The following SLC35F2 variants were observed in gnomAD, a reference collection of about 807,000 sequenced individuals.
The protein encoded by SLC35F2 is solute carrier family 35 member F2, also known as queuine/queuosine transporter SLC35F2.
A neutral mutation model predicts 38.1 loss-of-function variants in SLC35F2; 25 were observed. That is an observed-to-expected ratio of 0.66 (90% confidence interval 0.48 to 0.92). The LOEUF (loss-of-function observed/expected upper bound fraction) is 0.92, where lower values mean the gene tolerates loss of function less well. SLC35F2 is among the 40% of genes least tolerant of loss of function. SLC35F2 has a pLI of 0.00. For missense variants in SLC35F2, 409 were observed against 452.9 expected (o/e 0.90, Z 0.88); for synonymous variants, 173 against 181.7 (o/e 0.95, Z 0.38).
intron 1 of SLC35F2, among the ~76,000 whole-genome samples, chr11:107,845,386 C>A (rs12278174): frequency 5.3e-5 from 8 of 150,878 alleles, no homozygotes; most frequent in Non-Finnish European, 8.9e-5. Flanking sequence ...AAGACCAGCC[C>A]GGGCAACATG....
intron 7 of SLC35F2, 78 bp from the exon 8 acceptor site, chr11:107,792,878 G>A (rs533165975): frequency 2.2e-5 from 32 of 1,435,632 alleles, no homozygotes; most frequent in South Asian, 3.3e-5. Flanking sequence ...ACTGTGCTTC[G>A]AGGATTACCC....
intron 7 of SLC35F2, among the ~76,000 whole-genome samples, chr11:107,796,251 C>T (rs1203702102): frequency 1.3e-5 from 2 of 152,136 alleles, no homozygotes; most frequent in Non-Finnish European, 2.9e-5. Flanking sequence ...AACTACTATA[C>T]AATCCAGCAA....
chr11:107,819,728 G>C (rs1213792879), intron 1 of SLC35F2, among the ~76,000 whole-genome samples: 1 of 152,200 alleles, frequency 6.6e-6, no homozygotes, highest in Non-Finnish European at 1.5e-5. Flanking sequence ...ACCATGTGGG[G>C]AGAGGTACCT....
intron 1 of SLC35F2, among the ~76,000 whole-genome samples, chr11:107,851,829 T>C (rs370056043): frequency 4.3e-4 from 65 of 152,078 alleles, no homozygotes; most frequent in East Asian, 3.5e-3. Context: ...AATCCAGAGT[T>C]CCCCAATTCC....
chr11:107,803,463 G>A (rs2134771041), intron 6 of SLC35F2: 3 of 977,826 alleles, frequency 3.1e-6, no homozygotes, highest in East Asian at 1.3e-4. Context: ...CACCCTGCCA[G>A]GACAGCGATG....
chr11:107,793,225 C>CT (rs1390665708), intron 7 of SLC35F2, among the ~76,000 whole-genome samples: 2 of 152,196 alleles, frequency 1.3e-5, no homozygotes, highest in Admixed American at 6.5e-5. Context: ...GCCTCATGAT[C>CT]TTTTTTCTGA....
intron 7 of SLC35F2, among the ~76,000 whole-genome samples, chr11:107,796,541 T>C (rs1859219286): frequency 6.6e-6 from 1 of 152,180 alleles, no homozygotes. Context: ...AGACAAATAG[T>C]GCATGTTTCA....
chr11:107,857,986 A>G (rs2134874684), intron 1 of SLC35F2, among the ~76,000 whole-genome samples: 1 of 152,314 alleles, frequency 6.6e-6, no homozygotes, highest in Non-Finnish European at 1.5e-5. Context: ...TCCAGAGTGC[A>G]AGTCCTCCAG....
At chr11:107,804,373 G>A (rs1859363173) in intron 6 of SLC35F2, among the ~76,000 whole-genome samples, 1 of 152,118 alleles carries the variant, frequency 6.6e-6, no homozygotes, top group African/African-American at 2.4e-5. Context: ...TCAGGTTAAT[G>A]CTTCACAAAT....
rs575815385 is a variant in SLC35F2, at chr11:107,798,212, C to T, written c.939+4789G>A. 1.1e-4 allele frequency among the ~76,000 whole-genome samples: 17 copies of T among 152,082 alleles called. No individual in the cohort carries two copies. In the East Asian group the frequency reaches 2.7e-3, roughly 24 times the overall value. ...AGAGATGGGGTTTCACCATGTTGGC[C>T]GGGCTCGTCTCAAACTCCTGAACTA... On this transcript the variant is annotated intron_variant, in intron 7 of 7. Transcript: ENST00000525815.
At chr11:107,834,621 C>T (rs1317549537) in intron 1 of SLC35F2, among the ~76,000 whole-genome samples, 1 of 152,018 alleles carries the variant, frequency 6.6e-6, no homozygotes, top group African/African-American at 2.4e-5. Flanking sequence ...TTGCACTCCA[C>T]CCTAGGTGAC....
intron 1 of SLC35F2, among the ~76,000 whole-genome samples, chr11:107,841,010 G>A (rs1860006005): frequency 6.6e-6 from 1 of 152,056 alleles, no homozygotes; most frequent in Admixed American, 6.6e-5. Context: ...CAGAAAAACT[G>A]TCATACGCCT....
intron 7 of SLC35F2, among the ~76,000 whole-genome samples, chr11:107,801,889 G>A (rs1040568091): frequency 6.6e-6 from 1 of 152,178 alleles, no homozygotes; most frequent in South Asian, 2.1e-4. Context: ...TGCTGACTAA[G>A]GGTAAGTCAC....
At chr11:107,797,885 G>A (rs1342611676) in intron 7 of SLC35F2, among the ~76,000 whole-genome samples, 1 of 152,112 alleles carries the variant, frequency 6.6e-6, no homozygotes, top group Non-Finnish European at 1.5e-5. Flanking sequence ...CCAACACATA[G>A]CTGGTGTTTA....
At chr11:107,828,833 G>C (rs12284339) in intron 1 of SLC35F2, among the ~76,000 whole-genome samples, 1 of 152,006 alleles carries the variant, frequency 6.6e-6, no homozygotes, top group African/African-American at 2.4e-5. Flanking sequence ...CCGGCCGGGC[G>C]CAGTGACTCA....
In SLC35F2 at chr11:107,815,874, T is replaced by C. The variant is rs1255890968; in HGVS notation, c.202A>G (p.Lys68Glu). ...CTCTGAAGCATGGGGGTGTTCACTT[T>C]GTATCTTTCTGCCAAATACTGGCTG... The part of the protein sequence containing the change: ...ITSQYLAERY[K>E]VNTPMLQSFI... The change falls in exon 2 of 8, where the codon AAA (lysine) becomes GAA (glutamate). Residue 68 changes from lysine to glutamate, a missense_variant. Physicochemically the swap from Lys to Glu is moderately conservative, Grantham distance 56. Coordinates refer to ENST00000525815, the MANE Select transcript of SLC35F2 (RefSeq NM_017515.5). 1.2e-6 allele frequency: 2 copies of C among 1,614,120 alleles called. No individual in the cohort carries two copies. The highest frequency in any genetic ancestry group is 2.2e-5 in the East Asian group (1 of 44,880).
chr11:107,794,083 CTTTTTT>C (rs10664346), intron 7 of SLC35F2, among the ~76,000 whole-genome samples: 3 of 137,978 alleles, frequency 2.2e-5, no homozygotes, highest in Admixed American at 1.5e-4. Context: ...TGTATTTTTT[CTTTTTT>C]TTTTTTTTTT....
At chr11:107,843,861 A>AT (rs1860054642) in intron 1 of SLC35F2, among the ~76,000 whole-genome samples, 1 of 38,272 alleles carries the variant, frequency 2.6e-5, no homozygotes, top group African/African-American at 8.3e-5. Context: ...AAAAAAAAAA[A>AT]AAAAAAAATA....
chr11:107,810,501 G>T (rs1213689451), intron 3 of SLC35F2: 48 of 984,666 alleles, frequency 4.9e-5, no homozygotes, highest in Admixed American at 6.2e-5. Flanking sequence ...ACATACTTAT[G>T]TATACTTCAT....
Sources: allele counts gnomAD v4.1 joint callset (sites outside exome capture counted in the v4.1 genomes callset), GRCh38; gene constraint gnomAD v4.1.1; transcripts MANE v1.5; gene names NCBI Gene and HGNC (gene_info 2026-07-23, HGNC 2026-07-21).